Variants in FLAD1 observed in about 807,000 individuals in gnomAD.
FLAD1 encodes flavin adenine dinucleotide synthetase 1.
A neutral mutation model predicts 55.0 loss-of-function variants in FLAD1; 35 were observed. The observed-to-expected ratio is 0.64, with a 90% CI of 0.49 to 0.84. The LOEUF is 0.84. Ranked by LOEUF, FLAD1 falls within the 40% of genes least tolerant of loss-of-function variation. The probability of loss-of-function intolerance (pLI) is 0.00; values close to 1 mark genes in which losing one functional copy is unlikely to be tolerated. For missense variants in FLAD1, 665 were observed against 742.6 expected (o/e 0.90, Z 1.21); for synonymous variants, 267 against 303.0 (o/e 0.88, Z 1.23).
At position 154,988,508 on chromosome 1, in the gene FLAD1, A is replaced by G. The variant is rs148868251; in HGVS notation, c.776A>G (p.Glu259Gly). 126 of 1,614,126 alleles carry G rather than the reference A, an allele frequency of 7.8e-5. No individual in the cohort carries two copies. Among genetic ancestry groups the G allele is most frequent in the Non-Finnish European group, 1.0e-4 (122 of 1,180,052 alleles). The change falls in exon 2 of 7, where the codon GAG (glutamate) becomes GGG (glycine). Residue 259 changes from glutamate (E) to glycine (G), a missense_variant. Glu to Gly is a moderately conservative substitution (Grantham distance 98). Transcript: ENST00000292180. The part of the protein sequence containing the change: ...RNVYLFPGIP[E>G]LLRRVLEGMK... ...GTCTACCTCTTCCCAGGCATTCCAGAGCTGCTGCGGCGGGTGCTGGAGGGG... is the reference window on the plus strand; with the variant it reads ...GTCTACCTCTTCCCAGGCATTCCAGGGCTGCTGCGGCGGGTGCTGGAGGGG...
At chr1:154,987,875 T>G in intron 1 of FLAD1, 1 of 1,345,798 alleles carries the variant, frequency 7.4e-7, no homozygotes, top group Non-Finnish European at 9.8e-7. Flanking sequence ...GAGGCTGCAG[T>G]GAACTGTGAC....
At chr1:154,985,153 A>C (rs2102238406) in intron 1 of FLAD1, among the ~76,000 whole-genome samples, 1 of 148,076 alleles carries the variant, frequency 6.8e-6, no homozygotes, top group East Asian at 2.0e-4. Context: ...TATAGGCATG[A>C]ACCACTGAGC....
At chr1:154,984,101 C>T in intron 1 of FLAD1, 35 bp downstream of exon 1, 1 of 1,467,980 alleles carries the variant, frequency 6.8e-7, no homozygotes, top group Non-Finnish European at 9.0e-7. Context: ...GAGGGCGCTG[C>T]GTTCTCCTGT....
chr1:154,988,762 G>T lies in FLAD1; in HGVS notation c.1030G>T (p.Ala344Ser), dbSNP rs1553254383. Residue 344 changes from alanine (A) to serine (S), a missense_variant, in exon 2 of 7, where the codon GCC becomes TCC. By Grantham distance (99) the Ala-to-Ser change is moderately conservative (BLOSUM62 1). Transcript: ENST00000292180. ...PLEECLAYLT[A>S]RLPQGSLVPY... is the part of the protein sequence containing the mutation. ...GGAGGAATGCTTGGCCTACCTGACT[G>T]CCCGTTTGCCCCAGGGATCGCTGGT... 1 of 1,614,162 alleles carries T rather than the reference G, an allele frequency of 6.2e-7. No homozygotes were observed. The highest frequency in any genetic ancestry group is 1.1e-5 in the South Asian group (1 of 91,084).
In FLAD1 at chr1:154,992,937, G is replaced by A. The variant is rs2232633; in HGVS notation, c.1664G>A (p.Arg555Gln). ...TSLGSRENTV[R>Q]NPALKCLSPG... ...CTGGGGAGTCGGGAGAATACCGTGC[G>A]GAACCCGGCCCTGAAGTGCCTGAGC... Residue 555 changes from arginine (R) to glutamine (Q), a missense_variant, in exon 7 of 7, where the codon CGG becomes CAG. Coordinates refer to ENST00000292180, the MANE Select transcript of FLAD1 (RefSeq NM_025207.5). 66 of 1,613,972 alleles carry A rather than the reference G, an allele frequency of 4.1e-5. No homozygotes were observed. The highest frequency in any genetic ancestry group is 1.6e-4 in the Middle Eastern group (1 of 6,062).
chr1:154,992,998 A>T lies in FLAD1; in HGVS notation c.1725A>T (p.Leu575=). The change falls in exon 7 of 7, where the codon CTA becomes CTT. Residue 575 remains leucine, a synonymous_variant. Coordinates refer to ENST00000292180, the MANE Select transcript of FLAD1 (RefSeq NM_025207.5). ...GGHPTYRPAY[L]LENEEEERNS... ...ACCCCACATACCGTCCAGCCTATCT[A>T]CTGGAGAACGAAGAAGAGGAGCGGA... is the stretch of plus-strand genomic sequence containing the variant. 3 of 1,614,042 alleles carry T rather than the reference A, an allele frequency of 1.9e-6. No individual in the cohort carries two copies. The highest frequency in any genetic ancestry group is 2.5e-6 in the Non-Finnish European group (3 of 1,179,982).
rs770776511 is a variant in FLAD1 at position 154,988,734 on chromosome 1, C to A, written c.1002C>A (p.Pro334=). Residue 334 remains proline, a synonymous_variant, in exon 2 of 7, where the codon CCC becomes CCA. Coordinates refer to ENST00000292180, the MANE Select transcript of FLAD1 (RefSeq NM_025207.5). ...KLTLDSEEEG[P]LEECLAYLTA... is the part of the protein sequence containing the mutation. The stretch of plus-strand genomic sequence containing the variant: ...CTCTAGACTCAGAGGAAGAAGGACC[C>A]CTGGAGGAATGCTTGGCCTACCTGA... 13 of 1,614,204 alleles carry A rather than the reference C, an allele frequency of 8.1e-6. No homozygotes were observed. The highest frequency in any genetic ancestry group is 1.0e-5 in the Non-Finnish European group (12 of 1,180,040).
Position 154,990,428 on chromosome 1 carries a change from T to C in FLAD1, c.1454T>C (p.Leu485Pro). ...CGGCACCCCCAGCTGGAGGCTGTCC[T>C]TATGGGCACCCGCCGGACTGACCCC... is the stretch of plus-strand genomic sequence containing the variant. ...QARHPQLEAV[L>P]MGTRRTDPYS... The change falls in exon 5 of 7, where the codon CTT becomes CCT. Residue 485 changes from leucine (L) to proline (P), a missense_variant. By Grantham distance (98) the Leu-to-Pro change is moderately conservative. Coordinates refer to ENST00000292180, the MANE Select transcript of FLAD1 (RefSeq NM_025207.5). 1 of 1,614,180 alleles carries C rather than the reference T, an allele frequency of 6.2e-7. No homozygotes were observed. Among genetic ancestry groups the C allele is most frequent in the Non-Finnish European group, 8.5e-7 (1 of 1,180,028 alleles).
In FLAD1 at chr1:154,989,598, A is replaced by G; in HGVS notation, c.1156A>G (p.Thr386Ala). 1 of 1,600,284 alleles carries G rather than the reference A, an allele frequency of 6.2e-7. No individual in the cohort carries two copies. The highest frequency in any genetic ancestry group is 8.5e-7 in the Non-Finnish European group (1 of 1,172,574). Residue 386 changes from threonine (T) to alanine (A), a missense_variant, in exon 3 of 7, where the codon ACC (threonine) becomes GCC (alanine). Coordinates refer to ENST00000292180, the MANE Select transcript of FLAD1 (RefSeq NM_025207.5). ...LGKKVAGALQ[T>A]IETSLAQYSL... The stretch of plus-strand genomic sequence containing the variant: ...GAAAAAGGTGGCAGGTGCCCTACAG[A>G]CCATTGAGACCTCCCTGGCTCAGTA...
In FLAD1 at chr1:154,988,699, G is replaced by T; in HGVS notation, c.967G>T (p.Val323Leu). The part of the protein sequence containing the change: ...YPDWGSNYYQ[V>L]KLTLDSEEEG... ...TGACTGGGGCAGCAACTACTATCAG[G>T]TGAAGCTGACTCTAGACTCAGAGGA... Residue 323 changes from valine (V) to leucine (L), a missense_variant, in exon 2 of 7, where the codon GTG becomes TTG. Physicochemically the swap from Val to Leu is conservative, Grantham distance 32. Coordinates refer to ENST00000292180, the MANE Select transcript of FLAD1 (RefSeq NM_025207.5). 6.2e-7 allele frequency: 1 copy of T among 1,614,196 alleles called. No homozygotes were observed. Among genetic ancestry groups the T allele is most frequent in the African/African-American group, 1.3e-5 (1 of 75,054 alleles).
At chr1:154,987,843 T>C in intron 1 of FLAD1, 2 of 946,744 alleles carry the variant, frequency 2.1e-6, no homozygotes, top group Non-Finnish European at 3.0e-6. Flanking sequence ...AAGGCTGGGG[T>C]GGCCCTTGAA....
chr1:154,987,761 A>G (rs1657682743), intron 1 of FLAD1: 1 of 450,160 alleles, frequency 2.2e-6, no homozygotes. Flanking sequence ...ACATGGCAAG[A>G]CCCCATTTCT....
chr1:154,992,551 CT>C, intron 5 of FLAD1, 161 bp from the exon 6 acceptor site: 1 of 1,611,494 alleles, frequency 6.2e-7, no homozygotes, highest in South Asian at 1.1e-5. Context: ...TTCTCTTTCT[CT>C]TTGCATACAT....
chr1:154,986,777 T>C (rs1336144824), intron 1 of FLAD1, among the ~76,000 whole-genome samples: 2 of 150,372 alleles, frequency 1.3e-5, no homozygotes, highest in African/African-American at 4.9e-5. Context: ...TTGTATTTTT[T>C]TGTAGAGACA....
intron 2 of FLAD1, 175 bp downstream of exon 2, chr1:154,989,024 A>G (rs1472531015): frequency 7.0e-7 from 1 of 1,438,258 alleles, no homozygotes; most frequent in African/African-American, 1.4e-5. Flanking sequence ...TTTCATCAGC[A>G]CTGTGCTAGG....
chr1:154,992,679 C>A (rs758386689), intron 5 of FLAD1, 34 bp from the exon 6 acceptor site: 1 of 1,614,126 alleles, frequency 6.2e-7, no homozygotes. Flanking sequence ...GAAAGGTGAG[C>A]ATTTGTGACT....
intron 1 of FLAD1, among the ~76,000 whole-genome samples, chr1:154,986,045 G>A (rs112423114): frequency 7.6e-4 from 116 of 151,838 alleles, no homozygotes; most frequent in African/African-American, 2.7e-3. Context: ...GTGTGTGTGT[G>A]TGTGTGTGTG....
intron 1 of FLAD1, among the ~76,000 whole-genome samples, chr1:154,984,632 T>C (rs1444209071): frequency 7.2e-6 from 1 of 138,504 alleles, no homozygotes; most frequent in East Asian, 2.1e-4. Context: ...TGCTTGAACG[T>C]GGGAGGCGGA....
In FLAD1 at chr1:154,992,967, G is replaced by A; in HGVS notation, c.1694G>A (p.Gly565Glu). The change falls in exon 7 of 7, where the codon GGA becomes GAA. Residue 565 changes from glycine (G) to glutamate (E), a missense_variant. Coordinates refer to ENST00000292180, the MANE Select transcript of FLAD1 (RefSeq NM_025207.5). ...RNPALKCLSP[G>E]GHPTYRPAYL... ...CCGGCCCTGAAGTGCCTGAGCCCAG[G>A]AGGACACCCCACATACCGTCCAGCC... is the stretch of plus-strand genomic sequence containing the variant. 1 of 1,614,036 alleles carries A rather than the reference G, an allele frequency of 6.2e-7. No homozygotes were observed. Among genetic ancestry groups the A allele is most frequent in the Non-Finnish European group, 8.5e-7 (1 of 1,179,980 alleles).
Sources: gnomAD v4.1 joint callset for allele counts (sites outside exome capture counted in the v4.1 genomes callset) on GRCh38, gnomAD v4.1.1 for gene constraint, MANE v1.5 for transcripts, NCBI Gene and HGNC (gene_info 2026-07-23, HGNC 2026-07-21) for gene names.